The following ITPK1 variants were observed in gnomAD, a reference collection of about 807,000 sequenced individuals.
ITPK1 encodes inositol 1,3,4-trisphosphate 5/6-kinase.
In ITPK1, 21 loss-of-function variants were observed where a neutral mutation model predicts 45.3. The observed-to-expected ratio is 0.46, with a 90% CI of 0.33 to 0.67. ITPK1 has a LOEUF of 0.67. Ranked by LOEUF, ITPK1 falls within the 30% of genes least tolerant of loss-of-function variation. ITPK1 has a pLI of 0.02. For synonymous variants in ITPK1, 258 were observed against 253.6 expected, an observed-to-expected ratio of 1.02 and a Z score of -0.16; for missense variants, 474 against 573.5, an observed-to-expected ratio of 0.83 and a Z score of 1.77.
chr14:93,096,077 A>G (rs79291110), intron 2 of ITPK1, among the ~76,000 whole-genome samples: 3,032 of 152,158 alleles, frequency 0.02, 106 homozygotes, highest in African/African-American at 0.07. Flanking sequence ...CTGCTTCCTC[A>G]CGGCCCTGTC....
chr14:92,982,682 G>A (rs1216378438), intron 5 of ITPK1, among the ~76,000 whole-genome samples: 1 of 152,220 alleles, frequency 6.6e-6, no homozygotes, highest in Non-Finnish European at 1.5e-5. Flanking sequence ...AATGGGTACT[G>A]TCAGAAGCCA....
chr14:93,030,787 G>A (rs1001468324), intron 3 of ITPK1, among the ~76,000 whole-genome samples: 1 of 152,222 alleles, frequency 6.6e-6, no homozygotes. Context: ...AGGAAATGGG[G>A]TCTTTGCAGA....
chr14:92,949,474 C>A (rs1215132641), intron 9 of ITPK1, among the ~76,000 whole-genome samples: 1 of 152,238 alleles, frequency 6.6e-6, no homozygotes, highest in African/African-American at 2.4e-5. Context: ...GGCAGCTCAG[C>A]CACTCATCCT....
At chr14:92,967,604 A>C (rs547516457) in intron 5 of ITPK1, among the ~76,000 whole-genome samples, 1 of 152,348 alleles carries the variant, frequency 6.6e-6, no homozygotes, top group Non-Finnish European at 1.5e-5. Flanking sequence ...AAATCCTAAA[A>C]ATGGTTCACA....
rs1052328149 is a variant in ITPK1 at position 93,076,476 on chromosome 14, G to A, written c.120+119C>T. 5 of 1,170,048 alleles carry A rather than the reference G, an allele frequency of 4.3e-6. No homozygotes were observed. The African/African-American group carries it at 7.7e-5, about 18-fold the overall frequency. The allele number at this position is 1,170,048 out of a possible 1,614,324, so 72.5% of individuals were successfully genotyped here. On this transcript the variant is annotated intron_variant, in intron 3 of 10. Coordinates refer to ENST00000267615, the MANE Select transcript of ITPK1 (RefSeq NM_014216.6). This position sits in a 1 kb window ranked among gnomAD's most constrained non-coding sequence, Gnocchi z 4.3. ...AAATCCACAGGGGAGCTAAAAACAA[G>A]CTGCACGTGAAGAAGAGAGAAAGCC...
chr14:93,077,143 G>C (rs887596103), intron 2 of ITPK1, among the ~76,000 whole-genome samples: 1 of 152,056 alleles, frequency 6.6e-6, no homozygotes, highest in African/African-American at 2.4e-5. Context: ...CCCTGGCCTC[G>C]CCAACAGCCT....
At position 93,103,008 on chromosome 14, in the gene ITPK1, A is replaced by G. The variant is rs1343798617; in HGVS notation, c.95+12061T>C. Among the ~76,000 whole-genome samples, 6 of 146,536 alleles carry G rather than the reference A, an allele frequency of 4.1e-5. No individual in the cohort carries two copies. In the East Asian group the frequency reaches 6.1e-4, roughly 15 times the overall value. ...CCAGCTACTCGGGAGGCTGAGGCAG[A>G]AGAATGGCATGAACCTGGGAGGCGG... On this transcript the variant is annotated intron_variant, in intron 2 of 10. Coordinates refer to ENST00000267615, the MANE Select transcript of ITPK1 (RefSeq NM_014216.6).
chr14:92,958,161 T>C lies in ITPK1; in HGVS notation c.670+40A>G, dbSNP rs770112087. The C allele has an allele frequency of 9.8e-5, 157 of 1,605,364 alleles. No homozygotes were observed. The highest frequency in any genetic ancestry group is 1.3e-4 in the Non-Finnish European group (149 of 1,172,474). ...TGCTGCCACATCCCAGCTGGGCCCC[T>C]GAGTCTTGCTCAGCCCAAGATGGTG... is the stretch of plus-strand genomic sequence containing the variant. On this transcript the variant is annotated intron_variant, in intron 8 of 10. Coordinates refer to ENST00000267615, the MANE Select transcript of ITPK1 (RefSeq NM_014216.6). The surrounding 1 kb of genome is among the most constrained non-coding windows in gnomAD (Gnocchi z 4.4).
At chr14:93,114,552 A>C (rs1469423826) in intron 2 of ITPK1, among the ~76,000 whole-genome samples, 3 of 152,218 alleles carry the variant, frequency 2.0e-5, no homozygotes, top group African/African-American at 7.2e-5. Flanking sequence ...CATACATGCC[A>C]AGAATTGCTA....
chr14:93,013,885 G>C (rs1042884336), intron 4 of ITPK1, among the ~76,000 whole-genome samples: 2 of 152,178 alleles, frequency 1.3e-5, no homozygotes, highest in Non-Finnish European at 2.9e-5. Flanking sequence ...CAGAGGGAAG[G>C]GGACGATCAA....
At chr14:93,002,847 C>A (rs747075) in intron 4 of ITPK1, among the ~76,000 whole-genome samples, 39,138 of 152,056 alleles carry the variant, frequency 0.26, 5,425 homozygotes, top group Admixed American at 0.35. Flanking sequence ...CTGCAGCTCC[C>A]TTTCCACTGT....
At chr14:92,962,280 G>A (rs754940470) in intron 7 of ITPK1, 75 bp downstream of exon 7, 28 of 1,097,130 alleles carry the variant, frequency 2.6e-5, no homozygotes, top group Non-Finnish European at 3.2e-5. Context: ...TGAGGAATCC[G>A]GCAGGGTAGC....
chr14:92,970,354 C>T (rs1885583508), intron 5 of ITPK1, among the ~76,000 whole-genome samples: 1 of 152,198 alleles, frequency 6.6e-6, no homozygotes, highest in African/African-American at 2.4e-5. Context: ...AGGCCTGGCA[C>T]ACGACAGGCA....
At chr14:92,988,500 A>G (rs1032148405) in intron 5 of ITPK1, among the ~76,000 whole-genome samples, 1 of 151,946 alleles carries the variant, frequency 6.6e-6, no homozygotes, top group African/African-American at 2.4e-5. Flanking sequence ...CATTTCCTGG[A>G]CCCCAGAGGG....
intron 5 of ITPK1, among the ~76,000 whole-genome samples, chr14:92,990,883 G>A (rs776190665): frequency 1.5e-4 from 23 of 152,238 alleles, no homozygotes; most frequent in African/African-American, 5.3e-4. Flanking sequence ...GGCTCTGGTC[G>A]TCTCCCTCCC....
chr14:93,065,312 G>A (rs566370629), intron 3 of ITPK1, among the ~76,000 whole-genome samples: 1 of 152,218 alleles, frequency 6.6e-6, no homozygotes, highest in South Asian at 2.1e-4. Context: ...TCTACCCATC[G>A]CATCATTTAA....
intron 3 of ITPK1, among the ~76,000 whole-genome samples, chr14:93,041,771 G>A (rs376525849): frequency 2.0e-5 from 3 of 152,152 alleles, no homozygotes; most frequent in Non-Finnish European, 4.4e-5. Flanking sequence ...TCCTGTGCTC[G>A]CACCCAGCAC....
At chr14:93,002,577 G>A (rs1887406291) in intron 4 of ITPK1, among the ~76,000 whole-genome samples, 1 of 152,164 alleles carries the variant, frequency 6.6e-6, no homozygotes, top group South Asian at 2.1e-4. Context: ...CCTTTCTCAT[G>A]TTCACTACCC....
chr14:92,989,359 A>AC lies in ITPK1; in HGVS notation c.364+4520dup, dbSNP rs747715379. 2.0e-5 allele frequency among the ~76,000 whole-genome samples: 3 copies of AC among 152,158 alleles called. No homozygotes were observed. The East Asian group carries it at 5.8e-4, about 29-fold the overall frequency. On this transcript the variant is annotated intron_variant, in intron 5 of 10. Transcript: ENST00000267615. ...CTAAGAGAAGAAGAACAGGAGAGCC[A>AC]CCCATCACCCCAAAGCAGTCAGGGC...
Sources: gnomAD v4.1 joint callset for allele counts (sites outside exome capture counted in the v4.1 genomes callset) on GRCh38, gnomAD v4.1.1 for gene constraint, Gnocchi (gnomAD v3.1) non-coding constraint, MANE v1.5 for transcripts, NCBI Gene and HGNC (gene_info 2026-07-23, HGNC 2026-07-21) for gene names.